The following SAMM50 variants were observed in gnomAD, a reference collection of about 807,000 sequenced individuals.
SAMM50 encodes SAMM50 sorting and assembly machinery component.
SAMM50 carries 47 observed loss-of-function variants against 66.9 expected under a neutral mutation model. The observed-to-expected ratio is 0.70, with a 90% CI of 0.56 to 0.90. The LOEUF (loss-of-function observed/expected upper bound fraction) is 0.90, where lower values mean the gene tolerates loss of function less well. Ranked by LOEUF, SAMM50 falls within the 40% of genes least tolerant of loss-of-function variation. The probability of loss-of-function intolerance (pLI) is 0.00; values close to 1 mark genes in which losing one functional copy is unlikely to be tolerated. For missense variants in SAMM50, 535 were observed against 595.3 expected, an observed-to-expected ratio of 0.90 and a Z score of 1.05; for synonymous variants, 191 against 214.1, an observed-to-expected ratio of 0.89 and a Z score of 0.94.
intron 12 of SAMM50, 33 bp downstream of exon 12, chr22:43,984,033 G>C: frequency 6.3e-7 from 1 of 1,583,982 alleles, no homozygotes; most frequent in East Asian, 2.3e-5. Flanking sequence ...GCCAAGTCTA[G>C]AAGGCTCGCG....
chr22:43,973,320 C>T lies in SAMM50; in HGVS notation c.645C>T (p.Tyr215=). 1 of 1,574,752 alleles carries T rather than the reference C, an allele frequency of 6.4e-7. No individual in the cohort carries two copies. Among genetic ancestry groups the T allele is most frequent in the South Asian group, 1.1e-5 (1 of 90,200 alleles). Residue 215 remains tyrosine (Y), a synonymous_variant, in exon 7 of 15, where the codon TAC becomes TAT. Coordinates refer to ENST00000350028, the MANE Select transcript of SAMM50 (RefSeq NM_015380.5). ...CGGACAGAGGAATGTCAGCTGAGTA[C>T]AGTGTGAGTAGCATTTCAGTCCTTC... ...RETDRGMSAE[Y]SFPIWKTSHT...
chr22:43,958,975 A>G (rs2050134361), intron 1 of SAMM50, among the ~76,000 whole-genome samples: 1 of 151,638 alleles, frequency 6.6e-6, no homozygotes, highest in South Asian at 2.1e-4. Context: ...ATTTTGTGCA[A>G]TAATACTTAA....
rs138261479 is a variant in SAMM50, at chr22:43,956,917, G to A, written c.21+1319G>A. On this transcript the variant is annotated intron_variant, in intron 1 of 14. Coordinates refer to ENST00000350028, the MANE Select transcript of SAMM50 (RefSeq NM_015380.5). ...TGTAAAATCAATGGGGATGCAAATA[G>A]TATCTGTGACTTTTGGTTACTAGCA... The A allele has an allele frequency of 1.1e-4, 52 of 490,618 alleles. No individual in the cohort carries two copies. In the East Asian group the frequency reaches 1.6e-3, roughly 15 times the overall value. The allele number at this position is 490,618 out of a possible 1,614,324, so 30.4% of individuals were successfully genotyped here.
At chr22:43,977,449 C>T (rs537769568) in intron 9 of SAMM50, among the ~76,000 whole-genome samples, 1 of 152,198 alleles carries the variant, frequency 6.6e-6, no homozygotes, top group Non-Finnish European at 1.5e-5. Context: ...TAGGTGTTGT[C>T]AAGCAGGGCA....
intron 14 of SAMM50, among the ~76,000 whole-genome samples, chr22:43,994,328 T>C (rs1003832909): frequency 1.3e-5 from 2 of 151,626 alleles, no homozygotes; most frequent in Non-Finnish European, 2.9e-5. Context: ...CCCGCTGACC[T>C]TTTTCCCCTT....
rs1328163131 is a variant in SAMM50, at chr22:43,955,581, G to C, written c.4G>C (p.Gly2Arg). M[G>R]TVHARSLEPL... ...GGCAGCGGCTGGAGAGGGAACCATG[G>C]GGACTGTGCACGCCCGGGTAAGAGG... The change falls in exon 1 of 15, where the codon GGG becomes CGG. Residue 2 changes from glycine to arginine, a missense_variant. Transcript: ENST00000350028. 6.2e-7 allele frequency: 1 copy of C among 1,601,292 alleles called. No individual in the cohort carries two copies.
At chr22:43,968,434 C>T (rs890878469) in intron 3 of SAMM50, among the ~76,000 whole-genome samples, 1 of 152,094 alleles carries the variant, frequency 6.6e-6, no homozygotes, top group Non-Finnish European at 1.5e-5. Context: ...TCCAGCACAA[C>T]GTTCTAGACT....
chr22:43,971,561 G>A (rs1358182077), intron 4 of SAMM50, among the ~76,000 whole-genome samples: 1 of 152,176 alleles, frequency 6.6e-6, no homozygotes, highest in East Asian at 1.9e-4. Flanking sequence ...TTTCATGTCG[G>A]TTGAATTGAG....
intron 4 of SAMM50, among the ~76,000 whole-genome samples, chr22:43,971,467 C>T (rs1318183435): frequency 6.6e-6 from 1 of 152,142 alleles, no homozygotes; most frequent in African/African-American, 2.4e-5. Context: ...ACAGACATGC[C>T]TCTTACACAC....
intron 14 of SAMM50, among the ~76,000 whole-genome samples, chr22:43,994,693 G>A (rs887531801): frequency 2.8e-4 from 42 of 152,262 alleles, no homozygotes; most frequent in Admixed American, 8.5e-4. Context: ...GAGAGCGTGG[G>A]GTGCACAGCA....
At chr22:43,968,410 C>T (rs1043540352) in intron 3 of SAMM50, among the ~76,000 whole-genome samples, 3 of 152,048 alleles carry the variant, frequency 2.0e-5, no homozygotes, top group East Asian at 1.9e-4. Flanking sequence ...CCACTGTTCA[C>T]GATTGTGATC....
At chr22:43,976,310 C>T (rs2073085) in intron 8 of SAMM50, 127 bp downstream of exon 8, 342,360 of 1,089,134 alleles carry the variant, frequency 0.31, 59,458 homozygotes, top group African/African-American at 0.62. Flanking sequence ...TCCACAGTGG[C>T]GGCCCCCACT....
At position 43,972,882 on chromosome 22, in the gene SAMM50, C is replaced by G; in HGVS notation, c.441C>G (p.Leu147=). ...TTTTCCCCTCCTAGGTACTTGGCCT[C>G]AAGCTTCCTAATCTTCTTGGTCGTG... ...GNNEGSMVLG[L]KLPNLLGRAE... Residue 147 remains leucine, a synonymous_variant, in exon 6 of 15, where the codon CTC becomes CTG. Coordinates refer to ENST00000350028, the MANE Select transcript of SAMM50 (RefSeq NM_015380.5). 1 of 1,591,222 alleles carries G rather than the reference C, an allele frequency of 6.3e-7. No individual in the cohort carries two copies.
At chr22:43,979,142 C>A (rs373227001) in intron 10 of SAMM50, among the ~76,000 whole-genome samples, 1 of 152,218 alleles carries the variant, frequency 6.6e-6, no homozygotes, top group African/African-American at 2.4e-5. Context: ...CTTCTCAGGG[C>A]CCTTTCTGCC....
At chr22:43,996,134 GCTTAACCAGCTGGTGAAGGTT>G in intron 14 of SAMM50, 183 bp from the exon 15 acceptor site, 1 of 682,708 alleles carries the variant, frequency 1.5e-6, no homozygotes, top group Non-Finnish European at 2.6e-6. Context: ...TTCTCCGAGG[GCTTAACCAGCTGGTGAAGGTT>G]CTTAACCAGC....
intron 3 of SAMM50, among the ~76,000 whole-genome samples, chr22:43,967,251 C>A (rs2050178162): frequency 6.6e-6 from 1 of 152,186 alleles, no homozygotes; most frequent in African/African-American, 2.4e-5. Flanking sequence ...AGCTGTAGCC[C>A]TGACTATGCA....
chr22:43,983,924 T>C lies in SAMM50; in HGVS notation c.1008-9T>C. Reference sequence around the variant, plus strand: ...ACTTTCCTCTGACCTGTGTGCTGTTTTGTCCTAGGTTTTACCTTGGGGGAC... The same window carrying C: ...ACTTTCCTCTGACCTGTGTGCTGTTCTGTCCTAGGTTTTACCTTGGGGGAC... On this transcript the variant is annotated splice_polypyrimidine_tract_variant and intron_variant, in intron 11 of 14. Transcript: ENST00000350028. The surrounding 1 kb of genome is among the most constrained non-coding windows in gnomAD (Gnocchi z 4.2). The C allele has an allele frequency of 6.2e-7, 1 of 1,604,238 alleles. No homozygotes were observed. The highest frequency in any genetic ancestry group is 8.5e-7 in the Non-Finnish European group (1 of 1,174,896).
intron 3 of SAMM50, 139 bp from the exon 4 acceptor site, chr22:43,968,592 C>T (rs933330444): frequency 4.8e-6 from 3 of 628,816 alleles, no homozygotes; most frequent in Non-Finnish European, 5.8e-6. Flanking sequence ...TGTCATGTGG[C>T]TGGTCTTGGT....
At chr22:43,993,213 G>C (rs994818217) in intron 14 of SAMM50, among the ~76,000 whole-genome samples, 2 of 152,192 alleles carry the variant, frequency 1.3e-5, no homozygotes, top group Non-Finnish European at 2.9e-5. Context: ...TGGAGCGAGG[G>C]AAGCTTTAGA....
Sources: allele counts gnomAD v4.1 joint callset (sites outside exome capture counted in the v4.1 genomes callset), GRCh38; gene constraint gnomAD v4.1.1; non-coding constraint Gnocchi (gnomAD v3.1); transcripts MANE v1.5; gene names NCBI Gene and HGNC (gene_info 2026-07-23, HGNC 2026-07-21).